TTBK2: variants seen among roughly 807,000 people sequenced by gnomAD.
TTBK2 encodes the protein tau tubulin kinase 2.
In TTBK2, 28 loss-of-function variants were observed where a neutral mutation model predicts 110.8. The ratio of observed to expected loss-of-function variants is 0.25; its 90% CI spans 0.19 to 0.35. TTBK2 has a LOEUF of 0.35. Ranked by LOEUF, TTBK2 falls within the 10% of genes least tolerant of loss-of-function variation. The pLI is 1.00. For synonymous variants in TTBK2, 532 were observed against 527.3 expected, an observed-to-expected ratio of 1.01 and a Z score of -0.12; for missense variants, 1,369 against 1,500.3, an observed-to-expected ratio of 0.91 and a Z score of 1.45.
At chr15:42,910,136 A>T (rs1325264595) in intron 1 of TTBK2, among the ~76,000 whole-genome samples, 1 of 152,232 alleles carries the variant, frequency 6.6e-6, no homozygotes, top group African/African-American at 2.4e-5. Context: ...CATGATTAAT[A>T]TATCTTATAA....
At chr15:42,830,182 T>C in intron 4 of TTBK2, 104 bp from the exon 5 acceptor site, 5 of 1,448,336 alleles carry the variant, frequency 3.5e-6, no homozygotes, top group Admixed American at 2.1e-5. Context: ...TTCAGCAAAA[T>C]AGCAAGAATT....
rs567887513 is a variant in TTBK2, at chr15:42,913,456, G to A, written c.-68+6982C>T. 2.1e-4 allele frequency among the ~76,000 whole-genome samples: 32 copies of A among 152,114 alleles called. No homozygotes were observed. In the Middle Eastern group the frequency reaches 0.01, roughly 49 times the overall value. ...AGATCGAGACCATCCTGATTAACAC[G>A]GTGAAACCCCGTCTCTACTAAAAAT... On this transcript the variant is annotated intron_variant, in intron 1 of 14. Transcript: ENST00000267890.
At chr15:42,913,860 C>A (rs2030931255) in intron 1 of TTBK2, among the ~76,000 whole-genome samples, 2 of 152,168 alleles carry the variant, frequency 1.3e-5, no homozygotes, top group African/African-American at 2.4e-5. Flanking sequence ...GTAAAATCTA[C>A]TATAACCAAA....
At chr15:42,847,749 A>C (rs1274330110) in intron 3 of TTBK2, among the ~76,000 whole-genome samples, 2 of 152,162 alleles carry the variant, frequency 1.3e-5, no homozygotes, top group Non-Finnish European at 2.9e-5. Flanking sequence ...TATGTCCAAA[A>C]TCTCTATTTT....
Position 42,752,221 on chromosome 15 carries a change from T to C in TTBK2, c.3025A>G (p.Thr1009Ala), listed in dbSNP as rs778104862. ...SDKLLEEKLA[T>A]VPAPFCEEEV... is the part of the protein sequence containing the mutation. ...TCCTCACAAAAGGGAGCAGGAACAG[T>C]AGCTAGTTTCTCCTCTAGCAATTTA... Residue 1009 changes from threonine (T) to alanine (A), a missense_variant, in exon 14 of 15, where the codon ACT becomes GCT. Around this residue, in one of 4 missense-constraint regions of TTBK2, gnomAD observed 1,097 missense variants for 1,114.7 expected, o/e 0.98. Transcript: ENST00000267890. The C allele has an allele frequency of 4.3e-6, 7 of 1,614,064 alleles. No homozygotes were observed. The highest frequency in any genetic ancestry group is 5.9e-6 in the Non-Finnish European group (7 of 1,179,964).
intron 11 of TTBK2, among the ~76,000 whole-genome samples, chr15:42,780,514 A>G (rs1367165857): frequency 2.6e-5 from 4 of 152,116 alleles, no homozygotes. Flanking sequence ...AATTTCCAGG[A>G]CAACTACCAA....
intron 4 of TTBK2, among the ~76,000 whole-genome samples, chr15:42,838,906 T>TA (rs143264793): frequency 0.021 from 3,167 of 152,252 alleles, 107 homozygotes; most frequent in African/African-American, 0.072. Context: ...AACTACTGCT[T>TA]AAGTTTCAAG....
intron 9 of TTBK2, among the ~76,000 whole-genome samples, chr15:42,808,672 C>T (rs1054960495): frequency 9.3e-5 from 14 of 150,982 alleles, no homozygotes; most frequent in Admixed American, 8.6e-4. Flanking sequence ...CATAGGGAAA[C>T]CTCATCTCTG....
intron 3 of TTBK2, among the ~76,000 whole-genome samples, chr15:42,860,837 T>C (rs956716474): frequency 6.6e-6 from 1 of 151,834 alleles, no homozygotes; most frequent in African/African-American, 2.4e-5. Flanking sequence ...CTAGTAGAGA[T>C]GGGGTTTCAC....
intron 9 of TTBK2, 82 bp from the exon 10 acceptor site, chr15:42,794,883 A>C (rs1158994320): frequency 7.7e-6 from 12 of 1,565,054 alleles, no homozygotes; most frequent in Non-Finnish European, 1.1e-5. Context: ...CACCAGACTC[A>C]TAAAATGATT....
chr15:42,855,646 C>A (rs557726372), intron 3 of TTBK2, among the ~76,000 whole-genome samples: 2 of 152,276 alleles, frequency 1.3e-5, no homozygotes, highest in East Asian at 3.9e-4. Flanking sequence ...AAACAAATCA[C>A]TGGTCATATA....
intron 7 of TTBK2, among the ~76,000 whole-genome samples, chr15:42,815,913 A>AATAT (rs1261885538): frequency 2.1e-4 from 21 of 100,798 alleles, no homozygotes; most frequent in East Asian, 6.2e-4. Context: ...TATATTTAAA[A>AATAT]ATATATATAT....
At chr15:42,793,692 T>C (rs987000687) in intron 10 of TTBK2, among the ~76,000 whole-genome samples, 1 of 151,894 alleles carries the variant, frequency 6.6e-6, no homozygotes, top group Middle Eastern at 3.4e-3. Context: ...CTACTAAAAA[T>C]ACAAAATTAG....
At chr15:42,850,050 G>A (rs933878021) in intron 3 of TTBK2, among the ~76,000 whole-genome samples, 1 of 152,012 alleles carries the variant, frequency 6.6e-6, no homozygotes, top group African/African-American at 2.4e-5. Flanking sequence ...AAAAGCAGTG[G>A]GGATTTTCCC....
At chr15:42,820,071 G>C (rs773023895) in intron 6 of TTBK2, among the ~76,000 whole-genome samples, 1 of 152,164 alleles carries the variant, frequency 6.6e-6, no homozygotes, top group Non-Finnish European at 1.5e-5. Context: ...TTCTGCCATA[G>C]AAAGACTGAA....
chr15:42,827,510 T>C (rs1199011957), intron 6 of TTBK2, among the ~76,000 whole-genome samples: 1 of 152,162 alleles, frequency 6.6e-6, no homozygotes, highest in Non-Finnish European at 1.5e-5. Flanking sequence ...ATAGATATGT[T>C]TTCAGAAATA....
At chr15:42,895,526 A>G (rs1263979927) in intron 1 of TTBK2, among the ~76,000 whole-genome samples, 6 of 151,982 alleles carry the variant, frequency 3.9e-5, no homozygotes, top group Non-Finnish European at 8.8e-5. Flanking sequence ...AATAGAATGT[A>G]TACATCAAAA....
intron 9 of TTBK2, among the ~76,000 whole-genome samples, chr15:42,805,291 A>G (rs547019486): frequency 6.6e-6 from 1 of 152,178 alleles, no homozygotes; most frequent in Admixed American, 6.5e-5. Context: ...CCTGGCTCTT[A>G]AGGAGCTTAT....
At chr15:42,798,164 A>G (rs1891029026) in intron 9 of TTBK2, 2 of 455,238 alleles carry the variant, frequency 4.4e-6, no homozygotes, top group Non-Finnish European at 8.8e-6. Context: ...GATTATAGGC[A>G]TGAGACACCA....
Sources: allele counts gnomAD v4.1 joint callset (sites outside exome capture counted in the v4.1 genomes callset), GRCh38; gene constraint gnomAD v4.1.1; regional missense constraint gnomAD v4.1.1; transcripts MANE v1.5; gene names NCBI Gene and HGNC (gene_info 2026-07-23, HGNC 2026-07-21).